The following FMNL2 variants were observed in gnomAD, a reference collection of about 807,000 sequenced individuals.
The protein encoded by FMNL2 is formin-like protein 2.
A neutral mutation model predicts 130.2 loss-of-function variants in FMNL2; 51 were observed. That is an observed-to-expected ratio of 0.39 (90% CI 0.31 to 0.49). The LOEUF is 0.49. FMNL2 is among the 20% of genes least tolerant of loss of function. The pLI is 0.85. For synonymous variants in FMNL2, 465 were observed against 467.1 expected (o/e 1.00, Z 0.06); for missense variants, 977 against 1,316.2 (o/e 0.74, Z 3.99).
chr2:152,576,791 A>T (rs1329800032), intron 7 of FMNL2, among the ~76,000 whole-genome samples: 5 of 152,184 alleles, frequency 3.3e-5, no homozygotes, highest in African/African-American at 1.2e-4. Context: ...AGGCAGAGAA[A>T]AGGGCAAGTG....
At chr2:152,595,139 G>T (rs1324300652) in intron 9 of FMNL2, among the ~76,000 whole-genome samples, 6 of 151,716 alleles carry the variant, frequency 4.0e-5, no homozygotes, top group Non-Finnish European at 8.8e-5. Context: ...CAGATTTACT[G>T]GTTCACCACC....
chr2:152,565,098 C>A (rs977585027), intron 6 of FMNL2, among the ~76,000 whole-genome samples: 1 of 152,158 alleles, frequency 6.6e-6, no homozygotes, highest in African/African-American at 2.4e-5. Context: ...CATATAGGCA[C>A]ATATGTGCAC....
At chr2:152,401,505 G>C (rs897480961) in intron 1 of FMNL2, among the ~76,000 whole-genome samples, 1 of 152,142 alleles carries the variant, frequency 6.6e-6, no homozygotes, top group African/African-American at 2.4e-5. Flanking sequence ...CTTCCTTTTT[G>C]ATCTTGAAAG....
rs577827156 is a variant in FMNL2 at position 152,648,943 on chromosome 2, T to C, written c.*1038T>C. 6.5e-6 allele frequency: 1 copy of C among 152,708 alleles called. No individual in the cohort carries two copies. The highest frequency in any genetic ancestry group is 2.4e-5 in the African/African-American group (1 of 41,566). The allele number at this position is 152,708 out of a possible 1,614,324, so 9.5% of individuals were successfully genotyped here. A position where few individuals can be genotyped will look rare whatever the true frequency, so the allele number is the denominator to read the frequency against. On this transcript the variant is annotated 3_prime_UTR_variant, in exon 26 of 26. Coordinates refer to ENST00000288670, the MANE Select transcript of FMNL2 (RefSeq NM_052905.4). ...TTAACATGGTATTAAGCTTAAATAA[T>C]ACGTAATGGGACTAGATGGCCCACT...
rs189229320 is a variant in FMNL2, at chr2:152,503,145, G to A, written c.118-18798G>A. Among the ~76,000 whole-genome samples the A allele has an allele frequency of 8.5e-5, 13 of 152,324 alleles. No homozygotes were observed. The East Asian group carries it at 2.3e-3, about 27-fold the overall frequency. On this transcript the variant is annotated intron_variant, in intron 1 of 25. Transcript: ENST00000288670. ...GGCAGACTTTATTTAGTACCATCAC[G>A]ATAGGCGTAGGGACCACTGCAGTGG...
At chr2:152,525,935 C>A (rs1006737903) in intron 2 of FMNL2, among the ~76,000 whole-genome samples, 2 of 152,088 alleles carry the variant, frequency 1.3e-5, no homozygotes, top group African/African-American at 4.8e-5. Flanking sequence ...TTTTTTTAAA[C>A]CCTTTACTTG....
At chr2:152,543,965 C>T (rs1360395973) in intron 3 of FMNL2, among the ~76,000 whole-genome samples, 2 of 152,124 alleles carry the variant, frequency 1.3e-5, no homozygotes, top group Admixed American at 6.6e-5. Flanking sequence ...CTTCTCCCCT[C>T]GTAAATGTGG....
At chr2:152,459,387 TGATTCCCTGAAGAGTTCTA>T (rs1231189132) in intron 1 of FMNL2, among the ~76,000 whole-genome samples, 5 of 152,360 alleles carry the variant, frequency 3.3e-5, no homozygotes, top group South Asian at 2.1e-4. Context: ...GTTATTTTCT[TGATTCCCTGAAGAGTTCTA>T]GATTCCCTGA....
intron 3 of FMNL2, among the ~76,000 whole-genome samples, chr2:152,545,616 G>A (rs371383335): frequency 3.3e-5 from 5 of 152,276 alleles, no homozygotes; most frequent in African/African-American, 1.2e-4. Flanking sequence ...CTGCAGTTGT[G>A]AGATGAAACC....
chr2:152,454,480 G>A (rs1012807717), intron 1 of FMNL2, among the ~76,000 whole-genome samples: 9 of 151,944 alleles, frequency 5.9e-5, no homozygotes, highest in African/African-American at 1.9e-4. Flanking sequence ...TTTTGGGTGG[G>A]TGTAATGTTT....
At chr2:152,409,057 C>T (rs1461190324) in intron 1 of FMNL2, among the ~76,000 whole-genome samples, 1 of 152,206 alleles carries the variant, frequency 6.6e-6, no homozygotes, top group Non-Finnish European at 1.5e-5. Flanking sequence ...TCATAAATTT[C>T]TTCTCAGGCT....
At chr2:152,639,839 C>G (rs1364085726) in intron 23 of FMNL2, 119 bp from the exon 24 acceptor site, 2 of 672,228 alleles carry the variant, frequency 3.0e-6, no homozygotes, top group Non-Finnish European at 4.4e-6. Flanking sequence ...TAGATCTTCT[C>G]AACCTTCCAT....
intron 2 of FMNL2, among the ~76,000 whole-genome samples, chr2:152,526,972 T>C (rs1018403408): frequency 3.9e-5 from 6 of 152,174 alleles, no homozygotes; most frequent in African/African-American, 1.4e-4. Context: ...TCTTCCTATC[T>C]AGTTTGCTCA....
chr2:152,393,441 T>C (rs879542329), intron 1 of FMNL2, among the ~76,000 whole-genome samples: 1 of 152,236 alleles, frequency 6.6e-6, no homozygotes, highest in Non-Finnish European at 1.5e-5. Context: ...AAGAGAGTTA[T>C]GGACATTTTC....
intron 1 of FMNL2, among the ~76,000 whole-genome samples, chr2:152,408,595 G>A (rs751085508): frequency 6.6e-6 from 1 of 151,592 alleles, no homozygotes; most frequent in Non-Finnish European, 1.5e-5. Flanking sequence ...TTTTTGCCCT[G>A]ATAAACCCAT....
chr2:152,492,730 C>T (rs1300627280), intron 1 of FMNL2, among the ~76,000 whole-genome samples: 2 of 152,156 alleles, frequency 1.3e-5, no homozygotes, highest in African/African-American at 2.4e-5. Flanking sequence ...CCCCTTGTTT[C>T]TTTTGACACT....
chr2:152,341,306 C>T (rs1681790063), intron 1 of FMNL2, among the ~76,000 whole-genome samples: 2 of 152,236 alleles, frequency 1.3e-5, no homozygotes, highest in South Asian at 2.1e-4. Context: ...TATCAGGATG[C>T]ATTTTTTCCT....
At chr2:152,517,171 TC>T (rs1692819680) in intron 1 of FMNL2, among the ~76,000 whole-genome samples, 1 of 136,564 alleles carries the variant, frequency 7.3e-6, no homozygotes, top group Non-Finnish European at 1.6e-5. Context: ...AAGATTTTTT[TC>T]CCCCGTGAGT....
At chr2:152,615,058 A>G in intron 12 of FMNL2, 58 bp downstream of exon 12, 1 of 1,572,458 alleles carries the variant, frequency 6.4e-7, no homozygotes, top group Non-Finnish European at 8.7e-7. Flanking sequence ...GCAAAGCAGA[A>G]TTAATGTCAG....
Sources: gnomAD v4.1 joint callset for allele counts (sites outside exome capture counted in the v4.1 genomes callset) on GRCh38, gnomAD v4.1.1 for gene constraint, MANE v1.5 for transcripts, NCBI Gene and HGNC (gene_info 2026-07-23, HGNC 2026-07-21) for gene names.